Variants in DNAAF4 observed in about 807,000 individuals in gnomAD.
DNAAF4 encodes dynein axonemal assembly factor 4, also known as dynein assembly factor 4, axonemal.
A neutral mutation model predicts 51.8 loss-of-function variants in DNAAF4; 43 were observed. That is an observed-to-expected ratio of 0.83 (90% CI 0.65 to 1.07). The LOEUF (loss-of-function observed/expected upper bound fraction) is 1.07. Ranked by LOEUF, DNAAF4 falls within the 50% of genes least tolerant of loss-of-function variation. The pLI, the probability that DNAAF4 is intolerant of heterozygous loss-of-function variation, is 0.00. For missense variants in DNAAF4, 581 were observed against 493.0 expected, an observed-to-expected ratio of 1.18 and a Z score of -1.69; for synonymous variants, 194 against 165.6, an observed-to-expected ratio of 1.17 and a Z score of -1.32.
At chr15:55,444,776 G>T (rs1228835766) in intron 6 of DNAAF4, among the ~76,000 whole-genome samples, 1 of 152,124 alleles carries the variant, frequency 6.6e-6, no homozygotes, top group Non-Finnish European at 1.5e-5. Flanking sequence ...CTTGTAAGTT[G>T]GATTCCTACG....
intron 4 of DNAAF4, among the ~76,000 whole-genome samples, chr15:55,469,027 A>G (rs368474813): frequency 1.3e-5 from 2 of 152,268 alleles, no homozygotes; most frequent in African/African-American, 4.8e-5. Flanking sequence ...TACATGTACC[A>G]AAGAAAAACA....
intron 7 of DNAAF4, among the ~76,000 whole-genome samples, chr15:55,438,209 G>A (rs915132700): frequency 1.3e-5 from 2 of 151,812 alleles, no homozygotes; most frequent in African/African-American, 4.8e-5. Flanking sequence ...AAATTAGTTG[G>A]GCGTGGTGGC....
At chr15:55,425,824 T>G (rs540026593), downstream of DNAAF4, among the ~76,000 whole-genome samples, 1 of 152,166 alleles carries the variant, frequency 6.6e-6, no homozygotes, top group Non-Finnish European at 1.5e-5. Flanking sequence ...ATAAAATGTA[T>G]GGAAGGCCAC....
intron 6 of DNAAF4, among the ~76,000 whole-genome samples, chr15:55,441,477 A>G (rs950220755): frequency 1.3e-5 from 2 of 152,000 alleles, no homozygotes; most frequent in African/African-American, 2.4e-5. Flanking sequence ...GGTTTGTTAC[A>G]TATGTATACA....
At chr15:55,465,011 C>T (rs567701565) in intron 5 of DNAAF4, among the ~76,000 whole-genome samples, 43 of 152,202 alleles carry the variant, frequency 2.8e-4, no homozygotes, top group Non-Finnish European at 4.7e-4. Context: ...TGCTCAACAC[C>T]GCTAATTATT....
chr15:55,491,509 AG>A (rs2058570728), intron 3 of DNAAF4, among the ~76,000 whole-genome samples: 1 of 151,032 alleles, frequency 6.6e-6, no homozygotes, highest in African/African-American at 2.4e-5. Context: ...GAGGGACACA[AG>A]AGGCAGGTAA....
intron 4 of DNAAF4, among the ~76,000 whole-genome samples, chr15:55,483,702 G>A (rs556394316): frequency 3.4e-4 from 52 of 151,100 alleles, no homozygotes; most frequent in African/African-American, 1.2e-3. Flanking sequence ...CACCACACAC[G>A]GCTAATTTTT....
chr15:55,452,244 TAAAAAA>T (rs57692277), intron 5 of DNAAF4, among the ~76,000 whole-genome samples: 4 of 53,620 alleles, frequency 7.5e-5, no homozygotes, highest in East Asian at 9.8e-4. Context: ...CATGTCTCAC[TAAAAAA>T]AAAAAAAAAA....
At chr15:55,423,831 G>A (rs2057408029) in intron 7 of DNAAF4, among the ~76,000 whole-genome samples, 1 of 152,130 alleles carries the variant, frequency 6.6e-6, no homozygotes, top group Non-Finnish European at 1.5e-5. Context: ...TCTCACACCT[G>A]TAATCCCAGC....
intron 8 of DNAAF4, among the ~76,000 whole-genome samples, chr15:55,433,422 C>G (rs569145675): frequency 3.3e-5 from 5 of 151,902 alleles, no homozygotes; most frequent in East Asian, 3.9e-4. Context: ...GTCAGGAGAT[C>G]GAGACCATCC....
chr15:55,418,381 T>C (rs1049086153), intron 7 of DNAAF4: 2 of 1,535,918 alleles, frequency 1.3e-6, no homozygotes, highest in African/African-American at 1.4e-5. Context: ...TGATTATGTA[T>C]AAAACCAATT....
chr15:55,464,656 C>T (rs1023583543), intron 5 of DNAAF4, among the ~76,000 whole-genome samples: 3 of 152,112 alleles, frequency 2.0e-5, no homozygotes, highest in African/African-American at 4.8e-5. Context: ...CATGAATAGA[C>T]AATTCTCAAA....
At chr15:55,443,387 C>T (rs559213236) in intron 6 of DNAAF4, 169 of 647,792 alleles carry the variant, frequency 2.6e-4, no homozygotes, top group Admixed American at 1.7e-3. Context: ...CGTGGGGCCG[C>T]ACTTGCTCTA....
chr15:55,447,688 G>T (rs1367186774), intron 6 of DNAAF4, among the ~76,000 whole-genome samples: 1 of 149,410 alleles, frequency 6.7e-6, no homozygotes, highest in Non-Finnish European at 1.5e-5. Flanking sequence ...CGAGGCAGGA[G>T]AATGACAGGA....
chr15:55,464,037 A>G (rs1328251136), intron 5 of DNAAF4, among the ~76,000 whole-genome samples: 2 of 152,218 alleles, frequency 1.3e-5, no homozygotes, highest in African/African-American at 4.8e-5. Flanking sequence ...TGAGGGGATC[A>G]TATTACCTGA....
chr15:55,461,808 C>A (rs1406843738), intron 5 of DNAAF4, among the ~76,000 whole-genome samples: 4 of 151,868 alleles, frequency 2.6e-5, no homozygotes, highest in African/African-American at 9.7e-5. Flanking sequence ...CTAAATGAAA[C>A]TGAAAGAAAA....
At chr15:55,467,476 C>T (rs1283700230) in intron 4 of DNAAF4, among the ~76,000 whole-genome samples, 2 of 151,790 alleles carry the variant, frequency 1.3e-5, no homozygotes, top group East Asian at 3.9e-4. Context: ...TAGATGATAC[C>T]TAAGGGCTTG....
chr15:55,473,198 A>AATATAT (rs1555418732), intron 4 of DNAAF4, among the ~76,000 whole-genome samples: 46 of 75,744 alleles, frequency 6.1e-4, no homozygotes, highest in East Asian at 2.9e-3. Context: ...AAAAAAAAAA[A>AATATAT]ATATATATAT....
intron 8 of DNAAF4, among the ~76,000 whole-genome samples, chr15:55,433,058 C>T (rs916374100): frequency 7.3e-5 from 11 of 151,376 alleles, no homozygotes; most frequent in African/African-American, 2.4e-4. Flanking sequence ...CCAGCACTTT[C>T]GGAGGCTGAG....
Sources: allele counts gnomAD v4.1 joint callset (sites outside exome capture counted in the v4.1 genomes callset), GRCh38; gene constraint gnomAD v4.1.1; transcripts MANE v1.5; gene names NCBI Gene and HGNC (gene_info 2026-07-23, HGNC 2026-07-21).